Variants in C12orf42 observed in about 807,000 individuals in gnomAD.
C12orf42 encodes uncharacterized protein C12orf42.
A neutral mutation model predicts 21.6 loss-of-function variants in C12orf42; 25 were observed. The observed-to-expected ratio is 1.16, with a 90% confidence interval of 0.84 to 1.62. The LOEUF (loss-of-function observed/expected upper bound fraction) is 1.62. C12orf42 is among the 40% of genes most tolerant of loss of function. C12orf42 has a pLI of 0.00. For synonymous variants in C12orf42, 174 were observed against 175.0 expected (o/e 0.99, Z 0.05); for missense variants, 483 against 459.3 (o/e 1.05, Z -0.47).
the C12orf42 span, among the ~76,000 whole-genome samples, chr12:103,049,838 C>A: frequency 6.6e-6 from 1 of 152,078 alleles, no homozygotes; most frequent in Admixed American, 6.6e-5. Flanking sequence ...CAGTTCTATG[C>A]TCAGATGTCA....
At chr12:103,178,789 C>T in the C12orf42 span, 3 of 152,204 alleles carry the variant, frequency 2.0e-5, no homozygotes, top group Non-Finnish European at 4.4e-5. Flanking sequence ...TAAAAACCAG[C>T]ATAAACTGTG....
chr12:103,345,845 G>A (rs191980997), intron 4 of C12orf42, among the ~76,000 whole-genome samples: 1 of 152,266 alleles, frequency 6.6e-6, no homozygotes, highest in East Asian at 1.9e-4. Context: ...AAAAAATGAT[G>A]TAATGGTAAG....
At chr12:103,273,442 G>A (rs2035581486) in intron 5 of C12orf42, among the ~76,000 whole-genome samples, 1 of 152,014 alleles carries the variant, frequency 6.6e-6, no homozygotes, top group Non-Finnish European at 1.5e-5. Flanking sequence ...TTGTATATTG[G>A]CCATTTTAGA....
At chr12:103,556,171 T>A in the C12orf42 span, among the ~76,000 whole-genome samples, 5 of 152,330 alleles carry the variant, frequency 3.3e-5, no homozygotes, top group Middle Eastern at 3.4e-3. Flanking sequence ...AGCCTGACTG[T>A]CACACATTAA....
At chr12:103,459,145 G>A (rs977333579) in intron 2 of C12orf42, among the ~76,000 whole-genome samples, 3 of 152,114 alleles carry the variant, frequency 2.0e-5, no homozygotes, top group East Asian at 1.9e-4. Context: ...GAGGGATCCC[G>A]TATTTCCCAG....
chr12:103,461,529 A>G (rs972976351), intron 2 of C12orf42, among the ~76,000 whole-genome samples: 6 of 152,264 alleles, frequency 3.9e-5, no homozygotes, highest in Non-Finnish European at 8.8e-5. Flanking sequence ...ACATGTGAAC[A>G]TAAATGATAC....
chr12:103,563,325 T>C, the C12orf42 span, among the ~76,000 whole-genome samples: 1 of 152,210 alleles, frequency 6.6e-6, no homozygotes, highest in African/African-American at 2.4e-5. Context: ...CTACAGCCAA[T>C]TGATCATTTG....
the C12orf42 span, among the ~76,000 whole-genome samples, chr12:103,070,543 C>CA: frequency 6.8e-6 from 1 of 147,706 alleles, no homozygotes; most frequent in African/African-American, 2.5e-5. Context: ...CACACACACA[C>CA]CCGACACAGC....
chr12:103,368,844 CTT>C (rs1254415722), intron 4 of C12orf42, 41 bp downstream of exon 4: 1 of 1,070,978 alleles, frequency 9.3e-7, no homozygotes, highest in Non-Finnish European at 1.4e-6. Context: ...TCCAGAGTTT[CTT>C]TGGAAACTCT....
At chr12:103,354,277 A>G (rs2137532289) in intron 4 of C12orf42, among the ~76,000 whole-genome samples, 1 of 152,284 alleles carries the variant, frequency 6.6e-6, no homozygotes, top group Non-Finnish European at 1.5e-5. Flanking sequence ...TGAGAAGCAC[A>G]TGCCTTTCAG....
the C12orf42 span, among the ~76,000 whole-genome samples, chr12:103,185,237 A>G: frequency 0.011 from 1,655 of 152,280 alleles, 26 homozygotes; most frequent in African/African-American, 0.037. Flanking sequence ...ACTCCTAGAT[A>G]AAGTGTTAAA....
chr12:103,132,155 A>G, the C12orf42 span, among the ~76,000 whole-genome samples: 1 of 152,206 alleles, frequency 6.6e-6, no homozygotes, highest in South Asian at 2.1e-4. Flanking sequence ...GGCCAGCTAG[A>G]GGCATCTGGT....
At chr12:103,201,561 C>G in the C12orf42 span, among the ~76,000 whole-genome samples, 519 of 152,268 alleles carry the variant, frequency 3.4e-3, 1 homozygote, top group African/African-American at 0.012. Context: ...ATTTTTCACC[C>G]TTCCAATTTG....
the C12orf42 span, among the ~76,000 whole-genome samples, chr12:103,067,646 C>T: frequency 2.0e-5 from 3 of 152,154 alleles, no homozygotes. Context: ...ATTTTTGCTT[C>T]CTATTCCCTC....
chr12:103,049,489 C>T, the C12orf42 span, among the ~76,000 whole-genome samples: 9 of 152,170 alleles, frequency 5.9e-5, no homozygotes, highest in African/African-American at 2.2e-4. Flanking sequence ...ATTCTCTCCC[C>T]TTCTGTCCTT....
At chr12:103,281,913 G>GAA (rs1555243151) in intron 4 of C12orf42, among the ~76,000 whole-genome samples, 2 of 89,276 alleles carry the variant, frequency 2.2e-5, no homozygotes, top group African/African-American at 9.0e-5. Context: ...AAAGAAGAAA[G>GAA]AAAAAGAAAG....
chr12:103,361,472 G>A (rs1390372936), intron 4 of C12orf42, among the ~76,000 whole-genome samples: 1 of 152,030 alleles, frequency 6.6e-6, no homozygotes, highest in East Asian at 1.9e-4. Flanking sequence ...CAGGGAGAAG[G>A]AAACCTCCAG....
the C12orf42 span, among the ~76,000 whole-genome samples, chr12:103,510,897 C>T: frequency 6.6e-6 from 1 of 152,180 alleles, no homozygotes; most frequent in Non-Finnish European, 1.5e-5. Context: ...CACATCAGGT[C>T]CAGCCCCATC....
the C12orf42 span, among the ~76,000 whole-genome samples, chr12:103,159,932 G>T: frequency 6.6e-6 from 1 of 152,208 alleles, no homozygotes; most frequent in Non-Finnish European, 1.5e-5. Context: ...ATGACTCTGA[G>T]ACTGCCTATT....
Sources: gnomAD v4.1 joint callset for allele counts (sites outside exome capture counted in the v4.1 genomes callset) on GRCh38, gnomAD v4.1.1 for gene constraint, MANE v1.5 for transcripts, NCBI Gene and HGNC (gene_info 2026-07-23, HGNC 2026-07-21) for gene names.